Variants in LMTK2 observed in about 807,000 individuals in gnomAD.
LMTK2 encodes serine/threonine-protein kinase LMTK2.
A neutral mutation model predicts 127.5 loss-of-function variants in LMTK2; 37 were observed. That is an observed-to-expected ratio of 0.29 (90% confidence interval 0.22 to 0.38). The LOEUF is 0.38. Among genes scored for constraint, LMTK2 ranks in the 10% least tolerant of loss-of-function variants. The pLI is 1.00. For synonymous variants in LMTK2, 819 were observed against 810.1 expected (o/e 1.01, Z -0.19); for missense variants, 1,694 against 1,920.3 (o/e 0.88, Z 2.20).
chr7:98,141,537 T>G lies in LMTK2; in HGVS notation c.372T>G (p.Ser124=). Residue 124 remains serine (S), a synonymous_variant, in exon 3 of 14, where the codon TCT becomes TCG. Transcript: ENST00000297293. The part of the protein sequence containing the change: ...SLPAPSQFQP[S]VEGLKSQVAR... ...CAGCTCCCTCGCAATTCCAGCCTTC[T>G]GTAGGTAAGACCATACAGCCTAATG... The G allele has an allele frequency of 6.2e-7, 1 of 1,614,040 alleles. No homozygotes were observed. Among genetic ancestry groups the G allele is most frequent in the Non-Finnish European group, 8.5e-7 (1 of 1,179,884 alleles).
rs201276479 is a variant in LMTK2 at position 98,171,633 on chromosome 7, C to T, written c.750C>T (p.Ala250=). 9.7e-5 allele frequency: 156 copies of T among 1,607,184 alleles called. No homozygotes were observed. The highest frequency in any genetic ancestry group is 5.4e-4 in the East Asian group (24 of 44,834). ...MLLQRMACEV[A]AGLAAMHKLH... ...TGCAGAGGATGGCGTGCGAGGTCGC[C>T]GCGGGGCTGGCCGCCATGCACAAGC... is the stretch of plus-strand genomic sequence containing the variant. The change falls in exon 7 of 14, where the codon GCC becomes GCT. Residue 250 remains alanine (A), a synonymous_variant. Coordinates refer to ENST00000297293, the MANE Select transcript of LMTK2 (RefSeq NM_014916.4). This position sits in a 1 kb window ranked among gnomAD's most constrained non-coding sequence, Gnocchi z 5.1.
At chr7:98,203,271 C>A (rs988742751) in intron 11 of LMTK2, among the ~76,000 whole-genome samples, 1 of 152,202 alleles carries the variant, frequency 6.6e-6, no homozygotes, top group African/African-American at 2.4e-5. Flanking sequence ...GAGGAGAAGC[C>A]GACACACTTG....
chr7:98,144,539 T>TG, intron 3 of LMTK2, among the ~76,000 whole-genome samples: 1 of 152,164 alleles, frequency 6.6e-6, no homozygotes. Context: ...ACAGCTGCAC[T>TG]GTTGGTTCTG....
chr7:98,205,530 C>T lies in LMTK2; in HGVS notation c.*38C>T. ...GCGCACGCTCGGGTCCGAGGCTGCT[C>T]CCCTGGAGCGGCGCCCCTGCGCCCT... On this transcript the variant is annotated 3_prime_UTR_variant, in exon 14 of 14. Coordinates refer to ENST00000297293, the MANE Select transcript of LMTK2 (RefSeq NM_014916.4). 1 of 1,609,014 alleles carries T rather than the reference C, an allele frequency of 6.2e-7. No homozygotes were observed. Among genetic ancestry groups the T allele is most frequent in the Non-Finnish European group, 8.5e-7 (1 of 1,178,972 alleles).
At chr7:98,191,190 C>G (rs1797517934) in intron 10 of LMTK2, among the ~76,000 whole-genome samples, 1 of 152,190 alleles carries the variant, frequency 6.6e-6, no homozygotes, top group African/African-American at 2.4e-5. Context: ...TCAAGTGATC[C>G]TCCCACTTCA....
rs758021670 is a variant in LMTK2 at position 98,192,930 on chromosome 7, CAGA to C, written c.2470_2472del (p.Glu824del). ...CAGGTACCTCCTACCTCCTTCGAAA[CAGA>C]AGAAACGCCCCGTCGGGTACCCCCA... On this transcript the variant is annotated inframe_deletion, in exon 11 of 14. Coordinates refer to ENST00000297293, the MANE Select transcript of LMTK2 (RefSeq NM_014916.4). The C allele has an allele frequency of 2.5e-6, 4 of 1,614,140 alleles. No individual in the cohort carries two copies. Among genetic ancestry groups the C allele is most frequent in the South Asian group, 1.1e-5 (1 of 91,086 alleles).
At chr7:98,190,661 C>CA in intron 9 of LMTK2, 67 bp from the exon 10 acceptor site, 6 of 1,431,944 alleles carry the variant, frequency 4.2e-6, no homozygotes, top group Non-Finnish European at 5.9e-6. Context: ...GGCTATGTAA[C>CA]AAGTATGAGT....
At chr7:98,131,964 TTGGGGAAA>T (rs1447931684) in intron 1 of LMTK2, among the ~76,000 whole-genome samples, 5 of 152,114 alleles carry the variant, frequency 3.3e-5, no homozygotes, top group Admixed American at 6.5e-5. Context: ...CCAGGGCTCT[TTGGGGAAA>T]TGATTGATAG....
intron 1 of LMTK2, among the ~76,000 whole-genome samples, chr7:98,114,622 G>A (rs1032693766): frequency 2.6e-5 from 4 of 152,108 alleles, no homozygotes; most frequent in African/African-American, 9.7e-5. Context: ...GGCTAAAGTA[G>A]CCCCTGTCTC....
intron 6 of LMTK2, among the ~76,000 whole-genome samples, chr7:98,160,515 T>C (rs762964552): frequency 6.6e-6 from 1 of 152,228 alleles, no homozygotes; most frequent in African/African-American, 2.4e-5. Context: ...TGCATTCATC[T>C]TCACTCTAGG....
chr7:98,117,309 G>A (rs1053396957), intron 1 of LMTK2, among the ~76,000 whole-genome samples: 2 of 152,124 alleles, frequency 1.3e-5, no homozygotes, highest in African/African-American at 4.8e-5. Flanking sequence ...AAACTGGAGT[G>A]CAGTAGCACA....
At chr7:98,145,486 A>T (rs1796759387) in intron 3 of LMTK2, among the ~76,000 whole-genome samples, 1 of 152,166 alleles carries the variant, frequency 6.6e-6, no homozygotes, top group Non-Finnish European at 1.5e-5. Flanking sequence ...TTTTGCTTTG[A>T]CATTTAGATC....
intron 1 of LMTK2, among the ~76,000 whole-genome samples, chr7:98,121,506 A>C (rs574982123): frequency 6.6e-6 from 1 of 151,360 alleles, no homozygotes; most frequent in Non-Finnish European, 1.5e-5. Context: ...GGTGGTGTGC[A>C]CCTTTAGTCC....
rs1342491082 is a variant in LMTK2, at chr7:98,208,465, T to G, written c.*2973T>G. 3.3e-5 allele frequency: 5 copies of G among 152,240 alleles called. No individual in the cohort carries two copies. Among genetic ancestry groups the G allele is most frequent in the African/African-American group, 9.6e-5 (4 of 41,462 alleles). The allele number at this position is 152,240 out of a possible 1,614,324, so 9.4% of individuals were successfully genotyped here. On this transcript the variant is annotated 3_prime_UTR_variant, in exon 14 of 14. Transcript: ENST00000297293. ...AAAATGTACTTGTTCTAATAAGTTG[T>G]ACAATGAACTAAATCAGTGGCATTC...
intron 1 of LMTK2, among the ~76,000 whole-genome samples, chr7:98,112,200 T>G (rs1239458520): frequency 6.6e-6 from 1 of 151,788 alleles, no homozygotes; most frequent in Non-Finnish European, 1.5e-5. Context: ...CTCCCTCTCA[T>G]TTTTCTTTTT....
At chr7:98,155,317 C>T (rs1171937863) in intron 5 of LMTK2, among the ~76,000 whole-genome samples, 1 of 152,160 alleles carries the variant, frequency 6.6e-6, no homozygotes, top group Non-Finnish European at 1.5e-5. Context: ...ACAAAAGATC[C>T]AGCATTATTC....
chr7:98,156,506 A>G (rs1449753622), intron 5 of LMTK2, among the ~76,000 whole-genome samples: 1 of 152,114 alleles, frequency 6.6e-6, no homozygotes, highest in African/African-American at 2.4e-5. Flanking sequence ...TGACAATACC[A>G]AATGCTGGCA....
In LMTK2 at chr7:98,171,819, C is replaced by A; in HGVS notation, c.791+145C>A. 2 of 886,456 alleles carry A rather than the reference C, an allele frequency of 2.3e-6. No individual in the cohort carries two copies. The highest frequency in any genetic ancestry group is 3.3e-6 in the Non-Finnish European group (2 of 613,664). The allele number at this position is 886,456 out of a possible 1,614,324, so 54.9% of individuals were successfully genotyped here. ...AGGTAGAAGCGATCTCGTTCTTACC[C>A]ATGTCCGGATAAGGGTTGAGTTGGG... On this transcript the variant is annotated intron_variant, in intron 7 of 13. Transcript: ENST00000297293. This position sits in a 1 kb window ranked among gnomAD's most constrained non-coding sequence, Gnocchi z 5.1.
chr7:98,121,309 G>A (rs1236113589), intron 1 of LMTK2, among the ~76,000 whole-genome samples: 1 of 152,118 alleles, frequency 6.6e-6, no homozygotes, highest in African/African-American at 2.4e-5. Context: ...GCCTCTTGAA[G>A]TACTAAAGAA....
Sources: allele counts gnomAD v4.1 joint callset (sites outside exome capture counted in the v4.1 genomes callset), GRCh38; gene constraint gnomAD v4.1.1; non-coding constraint Gnocchi (gnomAD v3.1); transcripts MANE v1.5; gene names NCBI Gene and HGNC (gene_info 2026-07-23, HGNC 2026-07-21).